Variants in ANKRD11 observed in about 807,000 individuals in gnomAD.
ANKRD11 encodes the protein ankyrin repeat domain-containing protein 11.
Under a neutral mutation model 195.7 loss-of-function variants are expected in ANKRD11, and 17 were observed. The ratio of observed to expected loss-of-function variants is 0.09; its 90% confidence interval spans 0.06 to 0.13. The LOEUF is 0.13. Among genes scored for constraint, ANKRD11 ranks in the 10% least tolerant of loss-of-function variants. The pLI, the probability that ANKRD11 is intolerant of heterozygous loss-of-function variation, is 1.00. For missense variants in ANKRD11, 3,735 were observed against 3,566.1 expected (o/e 1.05, Z -1.21); for synonymous variants, 1,953 against 1,528.1 (o/e 1.28, Z -6.49).
At chr16:89,455,017 T>C (rs55897825) in intron 1 of ANKRD11, among the ~76,000 whole-genome samples, 24 of 46,002 alleles carry the variant, frequency 5.2e-4, no homozygotes, top group African/African-American at 5.4e-4. Context: ...CTGGGTGCTG[T>C]TAGGGTTCCT....
chr16:89,310,812 C>G (rs1384481733), intron 3 of ANKRD11, among the ~76,000 whole-genome samples: 1 of 152,228 alleles, frequency 6.6e-6, no homozygotes, highest in Non-Finnish European at 1.5e-5. Flanking sequence ...CTCACTGATT[C>G]TTGTAGCTTT....
At chr16:89,481,658 A>T (rs2057449370) in intron 1 of ANKRD11, among the ~76,000 whole-genome samples, 2 of 152,230 alleles carry the variant, frequency 1.3e-5, no homozygotes, top group Admixed American at 1.3e-4. Flanking sequence ...GCCTCAAAAC[A>T]AGTAAGCAAA....
intron 1 of ANKRD11, among the ~76,000 whole-genome samples, chr16:89,437,681 G>A (rs2043273570): frequency 6.6e-6 from 1 of 152,166 alleles, no homozygotes; most frequent in Non-Finnish European, 1.5e-5. Context: ...GCTCTCTCCG[G>A]CTCTTCCTGT....
chr16:89,341,914 C>T (rs1334296490), intron 2 of ANKRD11, among the ~76,000 whole-genome samples: 28 of 150,964 alleles, frequency 1.9e-4, no homozygotes, highest in African/African-American at 5.6e-4. Context: ...ACAGCGGCCA[C>T]GGCCCACGGC....
chr16:89,384,874 G>GTTTTTTT (rs1257714722), intron 2 of ANKRD11, among the ~76,000 whole-genome samples: 15 of 72,762 alleles, frequency 2.1e-4, no homozygotes, highest in African/African-American at 7.9e-4. Context: ...ATGAGAAATA[G>GTTTTTTT]TTTTCTTTTT....
intron 2 of ANKRD11, among the ~76,000 whole-genome samples, chr16:89,338,997 C>T (rs761970529): frequency 5.3e-5 from 8 of 152,212 alleles, no homozygotes; most frequent in Admixed American, 2.0e-4. Flanking sequence ...GAGGGCCTCA[C>T]TGGACTTAGG....
chr16:89,411,559 A>G (rs2042111924), intron 2 of ANKRD11, among the ~76,000 whole-genome samples: 1 of 152,236 alleles, frequency 6.6e-6, no homozygotes, highest in South Asian at 2.1e-4. Flanking sequence ...GACGACAGGC[A>G]CACACAACCA....
At chr16:89,390,461 G>A (rs1393953466) in intron 2 of ANKRD11, among the ~76,000 whole-genome samples, 1 of 152,200 alleles carries the variant, frequency 6.6e-6, no homozygotes, top group Non-Finnish European at 1.5e-5. Context: ...TCCCAAAGGA[G>A]GTGGAGGGCA....
chr16:89,276,506 C>T (rs914443077), intron 9 of ANKRD11, among the ~76,000 whole-genome samples: 3 of 152,224 alleles, frequency 2.0e-5, no homozygotes, highest in African/African-American at 7.2e-5. Context: ...CCCCGCCTCA[C>T]GCCTATAGGC....
At chr16:89,367,042 C>T (rs1045873931) in intron 2 of ANKRD11, among the ~76,000 whole-genome samples, 1 of 152,314 alleles carries the variant, frequency 6.6e-6, no homozygotes, top group South Asian at 2.1e-4. Context: ...TGCCCAGCCA[C>T]GGCTCCTTCT....
In ANKRD11 at chr16:89,268,431, G is replaced by C; in HGVS notation, c.*47C>G. 2.3e-6 allele frequency: 2 copies of C among 853,752 alleles called. No homozygotes were observed. Among genetic ancestry groups the C allele is most frequent in the Non-Finnish European group, 3.6e-6 (2 of 558,538 alleles). 52.9% of individuals were successfully genotyped at this position (853,752 alleles called of 1,614,324 possible). A position where few individuals can be genotyped will look rare whatever the true frequency, so the allele number is the denominator to read the frequency against. ...GCCCCTGGGGCTCAGCAGCAGTCCT[G>C]GGCAGCCGTGCGGCCCTCGCCTGCG... On this transcript the variant is annotated 3_prime_UTR_variant, in exon 13 of 13. Transcript: ENST00000301030.
chr16:89,302,484 C>T (rs950033119), intron 4 of ANKRD11, among the ~76,000 whole-genome samples: 2 of 152,150 alleles, frequency 1.3e-5, no homozygotes, highest in Non-Finnish European at 2.9e-5. Flanking sequence ...AACTCCTGAC[C>T]TTGTGATCTG....
chr16:89,279,895 G>C lies in ANKRD11; in HGVS notation c.6647C>G (p.Ala2216Gly). Residue 2216 changes from alanine to glycine, a missense_variant, in exon 9 of 13, where the codon GCT becomes GGT. By Grantham distance (60) the Ala-to-Gly change is moderately conservative (BLOSUM62 0). Coordinates refer to ENST00000301030, the MANE Select transcript of ANKRD11 (RefSeq NM_013275.6). The surrounding 1 kb of genome is among the most constrained non-coding windows in gnomAD (Gnocchi z 5.6). The stretch of plus-strand genomic sequence containing the variant: ...CTCCGCCTCCACCGCAGCTTCTAGA[G>C]CCACGTCCAGCTTTGGCTCCCCTGA... ...EPSGEPKLDV[A>G]LEAAVEAETV... The C allele has an allele frequency of 6.2e-7, 1 of 1,605,360 alleles. No homozygotes were observed.
chr16:89,309,796 T>C (rs1276195394), intron 3 of ANKRD11, among the ~76,000 whole-genome samples: 1 of 152,182 alleles, frequency 6.6e-6, no homozygotes, highest in African/African-American at 2.4e-5. Flanking sequence ...ATTTCCTAAA[T>C]GCAAATATCT....
At chr16:89,393,314 ATTTTTT>A (rs573197657) in intron 2 of ANKRD11, among the ~76,000 whole-genome samples, 2 of 139,280 alleles carry the variant, frequency 1.4e-5, no homozygotes, top group Admixed American at 1.4e-4. Flanking sequence ...TTTTATTTTT[ATTTTTT>A]TTTTTTTTGA....
At chr16:89,355,269 C>T (rs933565334) in intron 2 of ANKRD11, among the ~76,000 whole-genome samples, 3 of 150,582 alleles carry the variant, frequency 2.0e-5, no homozygotes, top group South Asian at 2.1e-4. Flanking sequence ...GGAAGGCGGG[C>T]AGAGGGCTCA....
intron 9 of ANKRD11, chr16:89,278,129 T>A: frequency 3.9e-6 from 1 of 256,642 alleles, no homozygotes; most frequent in Non-Finnish European, 7.7e-6. Flanking sequence ...TCGCGTGGTC[T>A]GGGAGGAGAC....
intron 4 of ANKRD11, among the ~76,000 whole-genome samples, chr16:89,301,845 G>C (rs890667898): frequency 6.6e-6 from 1 of 152,300 alleles, no homozygotes; most frequent in South Asian, 2.1e-4. Context: ...ACTGGACCGC[G>C]GGCAGGGCCG....
At chr16:89,466,975 G>A (rs2056907393) in intron 1 of ANKRD11, among the ~76,000 whole-genome samples, 1 of 152,200 alleles carries the variant, frequency 6.6e-6, no homozygotes, top group Non-Finnish European at 1.5e-5. Context: ...CAGTTCATTA[G>A]CTTAAACTCT....
Sources: gnomAD v4.1 joint callset for allele counts (sites outside exome capture counted in the v4.1 genomes callset) on GRCh38, gnomAD v4.1.1 for gene constraint, Gnocchi (gnomAD v3.1) non-coding constraint, MANE v1.5 for transcripts, NCBI Gene and HGNC (gene_info 2026-07-23, HGNC 2026-07-21) for gene names.